The following BCO2 variants were observed in gnomAD, a reference collection of about 807,000 sequenced individuals.
BCO2 encodes carotenoid-cleaving dioxygenase, mitochondrial.
BCO2 carries 56 observed loss-of-function variants against 65.8 expected under a neutral mutation model. The ratio of observed to expected loss-of-function variants is 0.85; its 90% CI spans 0.69 to 1.06. The LOEUF (loss-of-function observed/expected upper bound fraction) is 1.06, where lower values mean the gene tolerates loss of function less well. BCO2 is among the 50% of genes least tolerant of loss of function. The pLI is 0.00. For synonymous variants in BCO2, 233 were observed against 242.3 expected, an observed-to-expected ratio of 0.96 and a Z score of 0.36; for missense variants, 675 against 698.5, an observed-to-expected ratio of 0.97 and a Z score of 0.38.
Position 112,200,739 on chromosome 11 carries a change from CGCGGTTTCATGTG to C in BCO2, c.994_1006del (p.Arg332TrpfsTer34), listed in dbSNP as rs1566787954. On this transcript the variant is annotated frameshift_variant, in exon 7 of 12. Transcript: ENST00000357685. LOFTEE classifies it high-confidence loss of function. ...ATAAGCTGGGAACCCCAGTGTAATA[CGCGGTTTCATGTG>C]GTGGAAAAACGCACTGGACAGGTGG... 6.2e-7 allele frequency: 1 copy of C among 1,613,840 alleles called. No homozygotes were observed.
chr11:112,205,562 C>T (rs973512719), intron 8 of BCO2, among the ~76,000 whole-genome samples: 5 of 152,244 alleles, frequency 3.3e-5, no homozygotes, highest in African/African-American at 1.2e-4. Flanking sequence ...ACACGTGATC[C>T]TCCTGCCTCA....
At chr11:112,207,178 G>A (rs1859366518) in intron 8 of BCO2, among the ~76,000 whole-genome samples, 1 of 152,086 alleles carries the variant, frequency 6.6e-6, no homozygotes, top group Non-Finnish European at 1.5e-5. Flanking sequence ...TCGCCTTACT[G>A]TACCAGCTAG....
intron 8 of BCO2, among the ~76,000 whole-genome samples, chr11:112,207,649 A>G (rs1488799692): frequency 6.6e-6 from 1 of 152,222 alleles, no homozygotes; most frequent in African/African-American, 2.4e-5. Context: ...ACGTTTTTGT[A>G]GAAATTTTAG....
intron 2 of BCO2, among the ~76,000 whole-genome samples, chr11:112,190,293 A>T (rs1420794549): frequency 6.6e-6 from 1 of 152,206 alleles, no homozygotes; most frequent in East Asian, 1.9e-4. Context: ...CTTAAAAAAG[A>T]AGTACAAAAT....
intron 8 of BCO2, among the ~76,000 whole-genome samples, chr11:112,211,745 T>A (rs933460353): frequency 6.6e-6 from 1 of 152,268 alleles, no homozygotes; most frequent in African/African-American, 2.4e-5. Flanking sequence ...TTTAAGTAGT[T>A]AGGGAAAAAC....
In BCO2 at chr11:112,218,447, C is replaced by T. The variant is rs758797216; in HGVS notation, c.*573C>T. The stretch of plus-strand genomic sequence containing the variant: ...TGTGCAATTTGTGAAGCTGCCAAAG[C>T]GTTAGACAAGCACCAAGCCCACTTT... On this transcript the variant is annotated 3_prime_UTR_variant, in exon 12 of 12. Coordinates refer to ENST00000357685, the MANE Select transcript of BCO2 (RefSeq NM_031938.7). 5 of 230,896 alleles carry T rather than the reference C, an allele frequency of 2.2e-5. No homozygotes were observed. Among genetic ancestry groups the T allele is most frequent in the Admixed American group, 2.0e-4 (5 of 24,986 alleles). The allele number at this position is 230,896 out of a possible 1,614,324, so 14.3% of individuals were successfully genotyped here.
intron 3 of BCO2, 70 bp downstream of exon 3, chr11:112,193,767 A>AT (rs902252366): frequency 5.1e-6 from 8 of 1,558,062 alleles, no homozygotes; most frequent in East Asian, 4.5e-5. Context: ...TTGAAAATAG[A>AT]TTTTTTTGTG....
intron 8 of BCO2, among the ~76,000 whole-genome samples, chr11:112,211,096 A>G (rs891239702): frequency 3.3e-5 from 5 of 152,134 alleles, no homozygotes; most frequent in Admixed American, 6.6e-5. Context: ...CCATTAAACA[A>G]TAATTCCCTG....
chr11:112,186,812 C>A (rs567447780), intron 2 of BCO2, among the ~76,000 whole-genome samples: 2 of 152,194 alleles, frequency 1.3e-5, no homozygotes, highest in East Asian at 3.9e-4. Flanking sequence ...GGCAACATAG[C>A]AAGACTCCAT....
intron 2 of BCO2, chr11:112,182,843 A>AAAATG: frequency 2.5e-6 from 2 of 805,180 alleles, no homozygotes; most frequent in Non-Finnish European, 3.9e-6. Flanking sequence ...CCTAGAACTT[A>AAAATG]TATATATATA....
chr11:112,189,289 G>A (rs1867297104), intron 2 of BCO2, among the ~76,000 whole-genome samples: 2 of 152,116 alleles, frequency 1.3e-5, no homozygotes, highest in African/African-American at 2.4e-5. Context: ...GGGAGGGTGA[G>A]GCAGGAGGAT....
intron 2 of BCO2, chr11:112,183,236 T>C (rs1242660305): frequency 1.3e-6 from 1 of 764,240 alleles, no homozygotes. Flanking sequence ...GAAAATATTT[T>C]CCTTATCACT....
At chr11:112,194,298 A>T in intron 4 of BCO2, 1 of 417,150 alleles carries the variant, frequency 2.4e-6, no homozygotes, top group Non-Finnish European at 4.3e-6. Flanking sequence ...TTAGTATTGG[A>T]CTGGAGGTTG....
chr11:112,193,687 T>A lies in BCO2; in HGVS notation c.507T>A (p.Gly169=). Residue 169 remains glycine (G), a synonymous_variant, in exon 3 of 12, where the codon GGT becomes GGA. Transcript: ENST00000357685. ...ERFMSRFELP[G]KAAAMTDNTN... is the part of the protein sequence containing the mutation. Reference sequence around the variant, plus strand: ...TCATGTCCAGGTTTGAGCTGCCTGGTAAAGCTGCAGGTGATAGTGATGATT... The same window carrying A: ...TCATGTCCAGGTTTGAGCTGCCTGGAAAAGCTGCAGGTGATAGTGATGATT... The A allele has an allele frequency of 6.2e-7, 1 of 1,613,416 alleles. No individual in the cohort carries two copies. The highest frequency in any genetic ancestry group is 8.5e-7 in the Non-Finnish European group (1 of 1,179,522).
chr11:112,211,318 A>T (rs1859501567), intron 8 of BCO2, among the ~76,000 whole-genome samples: 1 of 71,342 alleles, frequency 1.4e-5, no homozygotes, highest in African/African-American at 4.3e-5. Context: ...ATTCGATTGT[A>T]TACACACACA....
At chr11:112,181,225 AG>A in intron 2 of BCO2, 2 of 664,562 alleles carry the variant, frequency 3.0e-6, no homozygotes, top group Non-Finnish European at 2.5e-6. Context: ...TCTGTCGCCC[AG>A]GCTGGAGTGC....
chr11:112,192,925 G>GTTTTTTTTTGTTTTTTTTTTTTTTTTTT (rs1867434124), intron 2 of BCO2, among the ~76,000 whole-genome samples: 1 of 36,658 alleles, frequency 2.7e-5, no homozygotes, highest in African/African-American at 1.0e-4. Flanking sequence ...AAAATGTGAG[G>GTTTTTTTTTGTTTTTTTTTTTTTTTTTT]TTTTTTTTTT....
chr11:112,217,142 G>A (rs145320380), intron 11 of BCO2, among the ~76,000 whole-genome samples: 496 of 152,320 alleles, frequency 3.3e-3, no homozygotes, highest in Middle Eastern at 0.014. Context: ...AAAGGCACAA[G>A]CAAAAATATT....
chr11:112,214,704 C>T, intron 9 of BCO2, 58 bp from the exon 10 acceptor site: 1 of 1,470,790 alleles, frequency 6.8e-7, no homozygotes, highest in Middle Eastern at 1.8e-4. Context: ...CACTGACCTA[C>T]ATAAGAGGAA....
Sources: allele counts gnomAD v4.1 joint callset (sites outside exome capture counted in the v4.1 genomes callset), GRCh38; gene constraint gnomAD v4.1.1; transcripts MANE v1.5; gene names NCBI Gene and HGNC (gene_info 2026-07-23, HGNC 2026-07-21).